The following FOXN3 variants were observed in gnomAD, a reference collection of about 807,000 sequenced individuals.
FOXN3 encodes forkhead box protein N3.
FOXN3 carries 7 observed loss-of-function variants against 38.4 expected under a neutral mutation model. The observed-to-expected ratio is 0.18, with a 90% confidence interval of 0.10 to 0.34. The LOEUF (loss-of-function observed/expected upper bound fraction) is 0.34. Among genes scored for constraint, FOXN3 ranks in the 10% least tolerant of loss-of-function variants. The pLI, the probability that FOXN3 is intolerant of heterozygous loss-of-function variation, is 1.00. For synonymous variants in FOXN3, 230 were observed against 242.2 expected (o/e 0.95, Z 0.47); for missense variants, 456 against 613.4 (o/e 0.74, Z 2.71).
chr14:89,410,461 C>T (rs1259347184), intron 2 of FOXN3, among the ~76,000 whole-genome samples: 1 of 152,220 alleles, frequency 6.6e-6, no homozygotes, highest in Non-Finnish European at 1.5e-5. Context: ...AAGGAACTTT[C>T]TCTGGCAATT....
intron 1 of FOXN3, among the ~76,000 whole-genome samples, chr14:89,451,835 G>A (rs1465324550): frequency 6.6e-6 from 1 of 152,070 alleles, no homozygotes; most frequent in Non-Finnish European, 1.5e-5. Context: ...ATTTTTGAAT[G>A]CTGTCACTCC....
At chr14:89,370,787 G>A (rs573962056) in intron 2 of FOXN3, among the ~76,000 whole-genome samples, 1 of 152,284 alleles carries the variant, frequency 6.6e-6, no homozygotes, top group East Asian at 1.9e-4. Context: ...CTCCGGATAG[G>A]GTCTGCATGG....
At chr14:89,250,259 C>T (rs562826581) in intron 4 of FOXN3, among the ~76,000 whole-genome samples, 10 of 152,142 alleles carry the variant, frequency 6.6e-5, no homozygotes, top group Non-Finnish European at 1.5e-4. Flanking sequence ...CATAGGCATA[C>T]ACCACCATGC....
chr14:89,566,204 C>T (rs570451060), intron 1 of FOXN3, among the ~76,000 whole-genome samples: 80 of 152,192 alleles, frequency 5.3e-4, no homozygotes, highest in African/African-American at 1.8e-3. Context: ...ACCTTTTTTT[C>T]AAAAGTAAAT....
In FOXN3 at chr14:89,246,542, C is replaced by CTT. The variant is rs755916666; in HGVS notation, c.745+34406_745+34407dup. ...TTCTCATCTTATTTGCAGGATGCGGCTTTTTTTTTTTTTTTTTTGAGACAG... is the reference window on the plus strand; with the variant it reads ...TTCTCATCTTATTTGCAGGATGCGGCTTTTTTTTTTTTTTTTTTTTGAGACAG... On this transcript the variant is annotated intron_variant, in intron 4 of 5. Transcript: ENST00000557258. Among the ~76,000 whole-genome samples, 762 of 83,968 alleles carry CTT rather than the reference C, an allele frequency of 9.1e-3. 32 individuals carry two copies. The highest frequency in any genetic ancestry group is 0.013 in the Non-Finnish European group (613 of 46,702). 55.1% of individuals were successfully genotyped at this position (83,968 alleles called of 152,430 possible).
At chr14:89,416,437 G>A (rs1891727140) in intron 1 of FOXN3, among the ~76,000 whole-genome samples, 1 of 152,166 alleles carries the variant, frequency 6.6e-6, no homozygotes, top group African/African-American at 2.4e-5. Context: ...GGATGAGGGG[G>A]GTCGGGCCTC....
chr14:89,363,965 T>TATATATATATATATATATATA (rs1890020242), intron 2 of FOXN3, among the ~76,000 whole-genome samples: 1 of 39,596 alleles, frequency 2.5e-5, no homozygotes, highest in African/African-American at 9.6e-5. Context: ...TATATATATA[T>TATATATATATATATATATATA]ATATATATAT....
At chr14:89,431,231 C>T (rs551485215) in intron 1 of FOXN3, among the ~76,000 whole-genome samples, 12 of 152,276 alleles carry the variant, frequency 7.9e-5, no homozygotes, top group African/African-American at 2.6e-4. Context: ...GAGTCTCTCT[C>T]TCTCTCCCAG....
intron 4 of FOXN3, among the ~76,000 whole-genome samples, chr14:89,187,846 C>T (rs1371689540): frequency 1.3e-5 from 2 of 152,286 alleles, no homozygotes; most frequent in Non-Finnish European, 2.9e-5. Context: ...CTGCTCCAAT[C>T]CTTGGGGTCC....
At chr14:89,392,488 C>T (rs1890976799) in intron 2 of FOXN3, among the ~76,000 whole-genome samples, 1 of 152,168 alleles carries the variant, frequency 6.6e-6, no homozygotes, top group Non-Finnish European at 1.5e-5. Flanking sequence ...GGGCTGGTCC[C>T]TTCTAGAAGC....
chr14:89,347,901 C>A (rs1300792236), intron 3 of FOXN3, among the ~76,000 whole-genome samples: 1 of 152,058 alleles, frequency 6.6e-6, no homozygotes, highest in Non-Finnish European at 1.5e-5. Context: ...TTGCAGTGAG[C>A]CAAGATTGCA....
At chr14:89,306,990 T>C (rs1180995393) in intron 3 of FOXN3, among the ~76,000 whole-genome samples, 2 of 152,234 alleles carry the variant, frequency 1.3e-5, no homozygotes, top group East Asian at 1.9e-4. Flanking sequence ...TAGAAAAAGT[T>C]TGCAGAAGCC....
chr14:89,469,841 G>T (rs1043792290), intron 1 of FOXN3, among the ~76,000 whole-genome samples: 3 of 152,242 alleles, frequency 2.0e-5, no homozygotes, highest in Non-Finnish European at 1.5e-5. Context: ...CCATGTACAC[G>T]TCCGTGCTTT....
intron 4 of FOXN3, among the ~76,000 whole-genome samples, chr14:89,224,330 C>T (rs934050711): frequency 6.6e-6 from 1 of 152,080 alleles, no homozygotes; most frequent in African/African-American, 2.4e-5. Context: ...TAAAAGGCCT[C>T]CTTAAAAGTG....
chr14:89,360,594 G>A (rs1350332452), intron 2 of FOXN3, among the ~76,000 whole-genome samples: 2 of 150,320 alleles, frequency 1.3e-5, no homozygotes, highest in African/African-American at 2.5e-5. Context: ...GAAAGGGAGA[G>A]AGGGAGGGAA....
chr14:89,454,123 G>A (rs1439436015), intron 1 of FOXN3, among the ~76,000 whole-genome samples: 1 of 152,176 alleles, frequency 6.6e-6, no homozygotes, highest in Admixed American at 6.5e-5. Context: ...GGCCAACATG[G>A]CGAAACCCTG....
At chr14:89,556,179 G>A (rs916092206) in intron 1 of FOXN3, among the ~76,000 whole-genome samples, 11 of 151,980 alleles carry the variant, frequency 7.2e-5, no homozygotes, top group African/African-American at 2.7e-4. Flanking sequence ...TGGGGCGGGG[G>A]GATCACCTGA....
At chr14:89,436,561 G>A (rs1892280581) in intron 1 of FOXN3, among the ~76,000 whole-genome samples, 1 of 152,188 alleles carries the variant, frequency 6.6e-6, no homozygotes, top group South Asian at 2.1e-4. Flanking sequence ...AGAGGCATGG[G>A]GTTCGTCGAA....
At chr14:89,432,364 C>T (rs1251967825) in intron 1 of FOXN3, among the ~76,000 whole-genome samples, 2 of 152,096 alleles carry the variant, frequency 1.3e-5, no homozygotes, top group South Asian at 2.1e-4. Flanking sequence ...ACATTCAAGG[C>T]GCTTGAACAA....
Sources: allele counts gnomAD v4.1 joint callset (sites outside exome capture counted in the v4.1 genomes callset), GRCh38; gene constraint gnomAD v4.1.1; transcripts MANE v1.5; gene names NCBI Gene and HGNC (gene_info 2026-07-23, HGNC 2026-07-21).